ARB2A: variants seen among roughly 807,000 people sequenced by gnomAD.
ARB2A encodes the protein ARB2 cotranscriptional regulator A.
the ARB2A span, among the ~76,000 whole-genome samples, chr5:94,018,816 A>G: frequency 5.9e-5 from 9 of 152,046 alleles, no homozygotes; most frequent in Admixed American, 6.6e-5. Flanking sequence ...AACTACTTTA[A>G]ATTTCATATG....
the ARB2A span, among the ~76,000 whole-genome samples, chr5:93,964,953 T>C: frequency 6.6e-6 from 1 of 152,116 alleles, no homozygotes; most frequent in South Asian, 2.1e-4. Flanking sequence ...TCAGAGGTAT[T>C]CTAAACAGAA....
chr5:93,896,250 C>T, the ARB2A span, among the ~76,000 whole-genome samples: 4 of 151,952 alleles, frequency 2.6e-5, no homozygotes, highest in African/African-American at 9.7e-5. Context: ...ATTGAGCATC[C>T]CTAATCCAAA....
the ARB2A span, among the ~76,000 whole-genome samples, chr5:93,793,878 T>C: frequency 6.6e-6 from 1 of 152,170 alleles, no homozygotes; most frequent in African/African-American, 2.4e-5. Flanking sequence ...GAACCCAAAA[T>C]GGCCCTTCAG....
At chr5:93,950,761 G>T in the ARB2A span, among the ~76,000 whole-genome samples, 1 of 151,454 alleles carries the variant, frequency 6.6e-6, no homozygotes, top group African/African-American at 2.4e-5. Context: ...TGGCCAACAG[G>T]GTCAAACCCT....
At chr5:94,010,689 C>A in the ARB2A span, among the ~76,000 whole-genome samples, 1 of 152,036 alleles carries the variant, frequency 6.6e-6, no homozygotes, top group East Asian at 1.9e-4. Context: ...TAACCTCAAT[C>A]TCACTTTCTT....
chr5:93,657,581 C>A, the ARB2A span, among the ~76,000 whole-genome samples: 2 of 152,096 alleles, frequency 1.3e-5, no homozygotes. Context: ...TAATTTTAGT[C>A]CAAACATTTC....
chr5:93,824,232 A>C, the ARB2A span: 24 of 1,595,318 alleles, frequency 1.5e-5, no homozygotes, highest in African/African-American at 4.0e-5. Flanking sequence ...AATGATCCCA[A>C]ACATAGATTG....
chr5:93,671,605 G>A, the ARB2A span, among the ~76,000 whole-genome samples: 2 of 151,954 alleles, frequency 1.3e-5, no homozygotes, highest in South Asian at 4.2e-4. Context: ...AAAAAATGAA[G>A]CAAAATTTGA....
chr5:93,843,802 G>T, the ARB2A span, among the ~76,000 whole-genome samples: 1 of 152,012 alleles, frequency 6.6e-6, no homozygotes, highest in African/African-American at 2.4e-5. Flanking sequence ...GGAGAGAAAA[G>T]TAATAAACCA....
chr5:93,879,246 C>G, the ARB2A span, among the ~76,000 whole-genome samples: 1 of 151,886 alleles, frequency 6.6e-6, no homozygotes, highest in Non-Finnish European at 1.5e-5. Context: ...CACTACAAGG[C>G]CAAAACTTAC....
the ARB2A span, chr5:93,958,785 C>T: frequency 6.6e-7 from 1 of 1,522,258 alleles, no homozygotes; most frequent in Non-Finnish European, 8.8e-7. Flanking sequence ...ACAGCCACAG[C>T]TCTTTTAATA....
chr5:94,030,816 C>A, the ARB2A span, among the ~76,000 whole-genome samples: 1 of 152,134 alleles, frequency 6.6e-6, no homozygotes, highest in Non-Finnish European at 1.5e-5. Flanking sequence ...CTTGAAGGAA[C>A]TGATTAATTC....
the ARB2A span, among the ~76,000 whole-genome samples, chr5:94,099,250 C>T: frequency 1.3e-5 from 2 of 152,088 alleles, no homozygotes; most frequent in African/African-American, 4.8e-5. Context: ...CAAATCAAAT[C>T]CAATAGCACA....
the ARB2A span, among the ~76,000 whole-genome samples, chr5:93,808,490 A>C: frequency 6.6e-6 from 1 of 152,026 alleles, no homozygotes; most frequent in Admixed American, 6.6e-5. Flanking sequence ...TTCAAAATGT[A>C]AAATTATGGT....
At chr5:93,718,225 A>C in the ARB2A span, among the ~76,000 whole-genome samples, 193 of 152,142 alleles carry the variant, frequency 1.3e-3, 1 homozygote, top group African/African-American at 4.4e-3. Flanking sequence ...GCAGATCACG[A>C]GGTCAAGAGA....
At chr5:94,013,020 C>T in the ARB2A span, among the ~76,000 whole-genome samples, 5 of 152,116 alleles carry the variant, frequency 3.3e-5, no homozygotes, top group African/African-American at 1.2e-4. Context: ...GTCCCATGTG[C>T]AAATTCTGGG....
At chr5:93,779,120 T>G in the ARB2A span, among the ~76,000 whole-genome samples, 1 of 147,876 alleles carries the variant, frequency 6.8e-6, no homozygotes, top group African/African-American at 2.5e-5. Flanking sequence ...TGTGTGTGTG[T>G]GTGTGCGCGC....
chr5:93,996,498 C>T, the ARB2A span, among the ~76,000 whole-genome samples: 1 of 151,948 alleles, frequency 6.6e-6, no homozygotes, highest in Non-Finnish European at 1.5e-5. Flanking sequence ...ACTTAGCATC[C>T]CAAATAAACT....
At chr5:93,676,136 A>G in the ARB2A span, among the ~76,000 whole-genome samples, 2 of 152,196 alleles carry the variant, frequency 1.3e-5, no homozygotes, top group African/African-American at 4.8e-5. Context: ...TAGAAACATC[A>G]TTTAAGGTTA....
Sources: allele counts gnomAD v4.1 joint callset (sites outside exome capture counted in the v4.1 genomes callset), GRCh38; gene constraint gnomAD v4.1.1; transcripts MANE v1.5; gene names NCBI Gene and HGNC (gene_info 2026-07-23, HGNC 2026-07-21).